IFI44: variants seen among roughly 807,000 people sequenced by gnomAD.
IFI44 encodes the protein interferon-induced protein 44.
Under a neutral mutation model 45.0 loss-of-function variants are expected in IFI44, and 42 were observed. That is an observed-to-expected ratio of 0.93 (90% CI 0.73 to 1.21). The LOEUF (loss-of-function observed/expected upper bound fraction) is 1.21, where lower values mean the gene tolerates loss of function less well. Ranked by LOEUF, IFI44 falls within the 50% of genes most tolerant of loss-of-function variation. The pLI is 0.00. For synonymous variants in IFI44, 221 were observed against 188.6 expected (o/e 1.17, Z -1.41); for missense variants, 623 against 525.8 (o/e 1.18, Z -1.81).
intron 2 of IFI44, 66 bp from the exon 3 acceptor site, chr1:78,654,177 C>A: frequency 2.4e-6 from 2 of 827,268 alleles, no homozygotes; most frequent in South Asian, 1.4e-5. Context: ...CACTGATATT[C>A]ATTCATTCAT....
chr1:78,656,554 C>T (rs1001261042), intron 5 of IFI44, among the ~76,000 whole-genome samples: 6 of 151,682 alleles, frequency 4.0e-5, no homozygotes, highest in Non-Finnish European at 5.9e-5. Flanking sequence ...CTTTAATTAC[C>T]GTAGTAATCA....
chr1:78,652,314 C>CT (rs1215859978), intron 2 of IFI44, among the ~76,000 whole-genome samples: 1 of 152,182 alleles, frequency 6.6e-6, no homozygotes, highest in Non-Finnish European at 1.5e-5. Flanking sequence ...AACTCCTGAC[C>CT]TCGTAATCCG....
chr1:78,654,095 A>G (rs1276699806), intron 2 of IFI44, 148 bp from the exon 3 acceptor site: 1 of 639,620 alleles, frequency 1.6e-6, no homozygotes, highest in South Asian at 1.7e-5. Context: ...TTGCTCTACA[A>G]AATTGCTCCC....
intron 7 of IFI44, among the ~76,000 whole-genome samples, chr1:78,661,150 C>T (rs563358831): frequency 6.6e-6 from 1 of 152,234 alleles, no homozygotes; most frequent in South Asian, 2.1e-4. Flanking sequence ...GCAACCTCCG[C>T]CTCCTGGGTT....
At chr1:78,650,706 T>A in intron 2 of IFI44, 54 bp downstream of exon 2, 1 of 1,167,006 alleles carries the variant, frequency 8.6e-7, no homozygotes, top group South Asian at 1.6e-5. Flanking sequence ...GTTTGGTAGG[T>A]TTGAACCAAT....
At chr1:78,661,208 C>T (rs534578926) in intron 7 of IFI44, among the ~76,000 whole-genome samples, 4 of 152,134 alleles carry the variant, frequency 2.6e-5, no homozygotes, top group African/African-American at 4.8e-5. Context: ...ATTACAGGCA[C>T]ATGCCACCAT....
At chr1:78,659,027 T>C (rs530305494) in intron 5 of IFI44, among the ~76,000 whole-genome samples, 1 of 152,000 alleles carries the variant, frequency 6.6e-6, no homozygotes, top group Non-Finnish European at 1.5e-5. Flanking sequence ...CTCTCTTATC[T>C]AGAACACTTT....
intron 1 of IFI44, 134 bp downstream of exon 1, chr1:78,650,039 C>G (rs1647095227): frequency 2.2e-6 from 1 of 457,622 alleles, no homozygotes. Context: ...AAAAAATTAG[C>G]TAATGATTTT....
rs370707317 is a variant in IFI44, at chr1:78,650,242, A to G, written c.47A>G (p.Gln16Arg). 3.1e-6 allele frequency: 5 copies of G among 1,609,600 alleles called. No individual in the cohort carries two copies. Among genetic ancestry groups the G allele is most frequent in the Non-Finnish European group, 4.3e-6 (5 of 1,176,254 alleles). Residue 16 changes from glutamine (Q) to arginine (R), a missense_variant, in exon 2 of 9, where the codon CAA (glutamine) becomes CGA (arginine). Transcript: ENST00000370747. ...ACATGGTTGCACGAAAAGATCCTGC[A>G]AAATCATTTTGGAGGGAAGCGGCTT... ...RLTWLHEKIL[Q>R]NHFGGKRLSL...
At chr1:78,662,931 T>G in intron 8 of IFI44, 53 bp downstream of exon 8, 1 of 1,612,860 alleles carries the variant, frequency 6.2e-7, no homozygotes, top group Non-Finnish European at 8.5e-7. Context: ...GTTGGCTACT[T>G]TCTGCTTGGA....
At position 78,660,575 on chromosome 1, in the gene IFI44, T is replaced by C; in HGVS notation, c.1034T>C (p.Leu345Pro). The change falls in exon 7 of 9, where the codon CTC (leucine) becomes CCC (proline). Residue 345 changes from leucine (L) to proline (P), a missense_variant. Transcript: ENST00000370747. ...ATAGGTGTGGTACATGTGGCTTTGC[T>C]CACTCATGTGGATAGCATGGATTTG... ...VNAGVVHVAL[L>P]THVDSMDLIT... The C allele has an allele frequency of 6.2e-7, 1 of 1,613,536 alleles. No individual in the cohort carries two copies. The highest frequency in any genetic ancestry group is 1.1e-5 in the South Asian group (1 of 91,078).
intron 2 of IFI44, among the ~76,000 whole-genome samples, 163 bp downstream of exon 2, chr1:78,650,815 T>C (rs1647112136): frequency 6.6e-6 from 1 of 152,170 alleles, no homozygotes; most frequent in East Asian, 1.9e-4. Flanking sequence ...ACAACCATGG[T>C]CAATAAAATG....
intron 7 of IFI44, 63 bp downstream of exon 7, chr1:78,660,717 T>C (rs1183033541): frequency 2.8e-6 from 3 of 1,060,284 alleles, no homozygotes; most frequent in African/African-American, 1.6e-5. Flanking sequence ...CACATACTAG[T>C]GTGTATAAAA....
rs762609239 is a variant in IFI44 at position 78,655,433 on chromosome 1, G to T, written c.762G>T (p.Gly254=). 3 of 1,613,476 alleles carry T rather than the reference G, an allele frequency of 1.9e-6. No homozygotes were observed. The highest frequency in any genetic ancestry group is 2.5e-6 in the Non-Finnish European group (3 of 1,179,466). The change falls in exon 5 of 9, where the codon GGG becomes GGT. Residue 254 remains glycine (G), a synonymous_variant. Coordinates refer to ENST00000370747, the MANE Select transcript of IFI44 (RefSeq NM_006417.5). The stretch of plus-strand genomic sequence containing the variant: ...CGTTTATTCTGTGTGACTCACTGGG[G>T]CTGAGTGAGAAAGAAGGCGGCCTGT... ...YLPFILCDSL[G]LSEKEGGLCR...
chr1:78,660,584 T>C lies in IFI44; in HGVS notation c.1043T>C (p.Val348Ala). 1 of 1,613,746 alleles carries C rather than the reference T, an allele frequency of 6.2e-7. No individual in the cohort carries two copies. Among genetic ancestry groups the C allele is most frequent in the East Asian group, 2.2e-5 (1 of 44,844 alleles). Residue 348 changes from valine to alanine, a missense_variant, in exon 7 of 9, where the codon GTG becomes GCG. Val to Ala is a moderately conservative substitution (Grantham distance 64). Coordinates refer to ENST00000370747, the MANE Select transcript of IFI44 (RefSeq NM_006417.5). Reference sequence around the variant, plus strand: ...GTACATGTGGCTTTGCTCACTCATGTGGATAGCATGGATTTGATTACAAAA... The same window carrying C: ...GTACATGTGGCTTTGCTCACTCATGCGGATAGCATGGATTTGATTACAAAA... ...GVVHVALLTH[V>A]DSMDLITKGD...
At chr1:78,659,536 G>A (rs1647333831) in intron 6 of IFI44, 53 bp downstream of exon 6, 2 of 1,404,496 alleles carry the variant, frequency 1.4e-6, no homozygotes, top group African/African-American at 2.8e-5. Flanking sequence ...TAATTGACTA[G>A]ACTGTATTTT....
rs771734899 is a variant in IFI44 at position 78,663,818 on chromosome 1, G to A, written c.*7G>A. The A allele has an allele frequency of 1.2e-5, 20 of 1,611,166 alleles. No individual in the cohort carries two copies. Among genetic ancestry groups the A allele is most frequent in the Non-Finnish European group, 1.5e-5 (18 of 1,179,010 alleles). On this transcript the variant is annotated 3_prime_UTR_variant, in exon 9 of 9. Transcript: ENST00000370747. The stretch of plus-strand genomic sequence containing the variant: ...TGCACAAGGAAAAAAATAGATATGT[G>A]AAAGGTTCACGTAAATTTCCTCACA...
chr1:78,663,231 CA>C, intron 8 of IFI44: 1 of 985,274 alleles, frequency 1.0e-6, no homozygotes, highest in Non-Finnish European at 1.2e-6. Flanking sequence ...ATTGGATTGG[CA>C]TTGCTCCTGA....
chr1:78,655,243 C>T, intron 4 of IFI44, 34 bp downstream of exon 4: 2 of 1,593,706 alleles, frequency 1.3e-6, no homozygotes, highest in South Asian at 2.3e-5. Context: ...GCCTTTGCTT[C>T]TCTGTTCAAA....
Sources: gnomAD v4.1 joint callset for allele counts (sites outside exome capture counted in the v4.1 genomes callset) on GRCh38, gnomAD v4.1.1 for gene constraint, MANE v1.5 for transcripts, NCBI Gene and HGNC (gene_info 2026-07-23, HGNC 2026-07-21) for gene names.